Variants in CORO1C observed in about 807,000 individuals in gnomAD.
The protein encoded by CORO1C is coronin 1C.
In CORO1C, 14 loss-of-function variants were observed where a neutral mutation model predicts 51.2. The ratio of observed to expected loss-of-function variants is 0.27; its 90% CI spans 0.18 to 0.43. The LOEUF (loss-of-function observed/expected upper bound fraction) is 0.43. Among genes scored for constraint, CORO1C ranks in the 20% least tolerant of loss-of-function variants. The pLI is 1.00. For synonymous variants in CORO1C, 181 were observed against 210.5 expected (o/e 0.86, Z 1.21); for missense variants, 417 against 607.8 (o/e 0.69, Z 3.30).
chr12:108,705,551 T>C (rs1018714572), intron 1 of CORO1C, among the ~76,000 whole-genome samples: 1 of 149,394 alleles, frequency 6.7e-6, no homozygotes, highest in Admixed American at 6.6e-5. Flanking sequence ...CTATCAAACA[T>C]TTAAAAAATA....
chr12:108,652,785 G>A (rs2032737447), intron 7 of CORO1C, among the ~76,000 whole-genome samples: 1 of 141,986 alleles, frequency 7.0e-6, no homozygotes, highest in Admixed American at 7.1e-5. Context: ...AGACTAAGAG[G>A]ACTGCTGAGA....
At chr12:108,701,485 A>G (rs1008221869) in intron 1 of CORO1C, 162 bp from the exon 2 acceptor site, 41 of 1,069,862 alleles carry the variant, frequency 3.8e-5, no homozygotes, top group Non-Finnish European at 5.3e-5. Flanking sequence ...TTAGCAGCAC[A>G]TACCCGGAGA....
intron 1 of CORO1C, among the ~76,000 whole-genome samples, chr12:108,711,937 A>AGGAAACACATCCTGCT (rs1304025663): frequency 1.6e-4 from 25 of 152,332 alleles, no homozygotes; most frequent in Middle Eastern, 6.8e-3. Flanking sequence ...TTCATATGAA[A>AGGAAACACATCCTGCT]GGAAACACAT....
At chr12:108,663,617 T>C (rs1592864258) in intron 3 of CORO1C, among the ~76,000 whole-genome samples, 2 of 152,316 alleles carry the variant, frequency 1.3e-5, no homozygotes, top group South Asian at 4.1e-4. Context: ...GTATGTGAAA[T>C]GTCCAGAATA....
chr12:108,666,151 A>C (rs1268998491), intron 3 of CORO1C, among the ~76,000 whole-genome samples: 1 of 152,268 alleles, frequency 6.6e-6, no homozygotes, highest in Non-Finnish European at 1.5e-5. Flanking sequence ...TATGAGGAGA[A>C]ATTGAATATC....
In CORO1C at chr12:108,731,346, G is replaced by C. The variant is rs1232191093; in HGVS notation, c.-6+83C>G. On this transcript the variant is annotated intron_variant, in intron 1 of 10. Transcript: ENST00000261401. The surrounding 1 kb of genome is among the most constrained non-coding windows in gnomAD (Gnocchi z 5.2). ...CCCCTCGCCCCGCCGGCTCCTGTCA[G>C]GCGGCGCAGGCACATGCTCAGAGGA... is the stretch of plus-strand genomic sequence containing the variant. The C allele has an allele frequency of 1.3e-5, 2 of 152,706 alleles. No individual in the cohort carries two copies. The highest frequency in any genetic ancestry group is 4.8e-5 in the African/African-American group (2 of 41,370). 9.5% of individuals were successfully genotyped at this position (152,706 alleles called of 1,614,324 possible). A position where few individuals can be genotyped will look rare whatever the true frequency, so the allele number is the denominator to read the frequency against.
In CORO1C at chr12:108,724,201, TGAAGAAAA is replaced by T. The variant is rs2035535981; in HGVS notation, c.-6+7220_-6+7227del. Among the ~76,000 whole-genome samples the T allele has an allele frequency of 5.3e-5, 8 of 152,274 alleles. No individual in the cohort carries two copies. The East Asian group carries it at 1.5e-3, about 29-fold the overall frequency. ...CATGCTACCAACTGTGGTGATTAAC[TGAAGAAAA>T]CTCCGTGAATAGGCTTGGTTTGCAG... On this transcript the variant is annotated intron_variant, in intron 1 of 10. Coordinates refer to ENST00000261401, the MANE Select transcript of CORO1C (RefSeq NM_014325.4).
chr12:108,696,061 A>G (rs2034669817), intron 2 of CORO1C, among the ~76,000 whole-genome samples: 1 of 152,170 alleles, frequency 6.6e-6, no homozygotes, highest in South Asian at 2.1e-4. Flanking sequence ...CACAGCTACA[A>G]CAAAGGAGCC....
intron 3 of CORO1C, among the ~76,000 whole-genome samples, chr12:108,666,777 G>A (rs1388050821): frequency 1.3e-5 from 2 of 152,090 alleles, no homozygotes; most frequent in African/African-American, 4.8e-5. Flanking sequence ...CTTAATACTG[G>A]GGACAGCTGT....
intron 2 of CORO1C, among the ~76,000 whole-genome samples, chr12:108,684,691 G>A (rs998241512): frequency 3.6e-4 from 55 of 152,164 alleles, no homozygotes; most frequent in African/African-American, 1.3e-3. Flanking sequence ...TATCTGTTAT[G>A]CTTTATTACT....
In CORO1C at chr12:108,679,518, C is replaced by T. The variant is rs561969612; in HGVS notation, c.196-1124G>A. ...TTTAAAATAGCTTAATGCCAGTCCA[C>T]GCTGAAGCTGTGTATGCTTTAAGAG... On this transcript the variant is annotated intron_variant, in intron 2 of 10. Coordinates refer to ENST00000261401, the MANE Select transcript of CORO1C (RefSeq NM_014325.4). Among the ~76,000 whole-genome samples, 5 of 152,340 alleles carry T rather than the reference C, an allele frequency of 3.3e-5. No individual in the cohort carries two copies. In the South Asian group the frequency reaches 1.0e-3, roughly 32 times the overall value.
chr12:108,686,941 G>A (rs890862848), intron 2 of CORO1C, among the ~76,000 whole-genome samples: 1 of 152,180 alleles, frequency 6.6e-6, no homozygotes, highest in Non-Finnish European at 1.5e-5. Flanking sequence ...CAATTTCCAC[G>A]TGGCTGGCCA....
intron 1 of CORO1C, among the ~76,000 whole-genome samples, chr12:108,713,151 G>C (rs956161709): frequency 6.6e-6 from 1 of 152,082 alleles, no homozygotes; most frequent in Non-Finnish European, 1.5e-5. Flanking sequence ...AAGACCACAT[G>C]CAACATTTGC....
At chr12:108,652,124 C>T in intron 8 of CORO1C, 148 bp downstream of exon 8, 1 of 381,724 alleles carries the variant, frequency 2.6e-6, no homozygotes, top group Non-Finnish European at 4.5e-6. Flanking sequence ...TTAGAAAGTG[C>T]CATCTCATGG....
intron 3 of CORO1C, among the ~76,000 whole-genome samples, chr12:108,669,548 A>G (rs1162057913): frequency 6.6e-6 from 1 of 151,626 alleles, no homozygotes. Flanking sequence ...CAGAACTCCT[A>G]CTCCCAGGAT....
intron 6 of CORO1C, among the ~76,000 whole-genome samples, chr12:108,655,948 C>T (rs536528239): frequency 6.7e-5 from 10 of 149,582 alleles, no homozygotes; most frequent in African/African-American, 2.0e-4. Flanking sequence ...CGTCTCTGCC[C>T]GGCCGCCCAT....
intron 3 of CORO1C, among the ~76,000 whole-genome samples, chr12:108,671,861 C>T (rs2136824982): frequency 6.6e-6 from 1 of 152,234 alleles, no homozygotes; most frequent in South Asian, 2.1e-4. Flanking sequence ...CTTCCAGGTC[C>T]AAGAGGTCCT....
chr12:108,698,349 G>A (rs1461544274), intron 2 of CORO1C, among the ~76,000 whole-genome samples: 2 of 152,236 alleles, frequency 1.3e-5, no homozygotes, highest in Non-Finnish European at 2.9e-5. Context: ...CTTCATAGCT[G>A]AGAACCATGG....
Position 108,671,883 on chromosome 12 carries a change from C to T in CORO1C, c.318+6389G>A, listed in dbSNP as rs528103786. 3.3e-3 allele frequency among the ~76,000 whole-genome samples: 500 copies of T among 152,228 alleles called. 2 individuals carry two copies. Among genetic ancestry groups the T allele is most frequent in the Non-Finnish European group, 5.7e-3 (387 of 68,022 alleles). ...GTCCAAGAGGTCCTCCCACCTCAGG[C>T]TCCCAAGCAGCTGGGACCACAGGCA... is the stretch of plus-strand genomic sequence containing the variant. On this transcript the variant is annotated intron_variant, in intron 3 of 10. Coordinates refer to ENST00000261401, the MANE Select transcript of CORO1C (RefSeq NM_014325.4).
Sources: allele counts gnomAD v4.1 joint callset (sites outside exome capture counted in the v4.1 genomes callset), GRCh38; gene constraint gnomAD v4.1.1; non-coding constraint Gnocchi (gnomAD v3.1); transcripts MANE v1.5; gene names NCBI Gene and HGNC (gene_info 2026-07-23, HGNC 2026-07-21).